The following POLG variants were observed in gnomAD, a reference collection of about 807,000 sequenced individuals.
The protein encoded by POLG is DNA polymerase subunit gamma-1.
In POLG, 110 loss-of-function variants were observed where a neutral mutation model predicts 155.4. The ratio of observed to expected loss-of-function variants is 0.71; its 90% confidence interval spans 0.61 to 0.83. The LOEUF (loss-of-function observed/expected upper bound fraction) is 0.83, where lower values mean the gene tolerates loss of function less well. Among genes scored for constraint, POLG ranks in the 40% least tolerant of loss-of-function variants. The pLI is 0.00. For synonymous variants in POLG, 701 were observed against 631.5 expected (o/e 1.11, Z -1.65); for missense variants, 1,685 against 1,627.5 (o/e 1.04, Z -0.61).
chr15:89,318,307 TGATCAGTCTTGGTATTTCACATTTTCAA>T (rs2055335439), intron 21 of POLG, among the ~76,000 whole-genome samples: 1 of 152,234 alleles, frequency 6.6e-6, no homozygotes, highest in Admixed American at 6.5e-5. Flanking sequence ...CTTCCCTCAA[TGATCAGTCTTGGTATTTCACATTTTCAA>T]ACCCAATAAC....
At chr15:89,330,049 C>T (rs1400089013) in intron 3 of POLG, 32 bp downstream of exon 3, 3 of 1,583,286 alleles carry the variant, frequency 1.9e-6, no homozygotes, top group African/African-American at 1.3e-5. Context: ...CCATCCCATG[C>T]CAGAACCTGC....
In POLG at chr15:89,319,313, C is replaced by T; in HGVS notation, c.3019G>A (p.Glu1007Lys). The change falls in exon 19 of 23, where the codon GAG (glutamate) becomes AAG (lysine). Residue 1007 changes from glutamate (E) to lysine (K), a missense_variant. By Grantham distance (56) the Glu-to-Lys change is moderately conservative. This residue lies in a region of POLG where 470 missense variants were observed against 439.9 expected (regional missense o/e 1.07). Coordinates refer to ENST00000268124, the MANE Select transcript of POLG (RefSeq NM_002693.3). ...GTCCTGTCCACTGGGAGGTTCAACT[C>T]CCTCACCAGCCACTCGCCCTCATCC... ...LSDEGEWLVR[E>K]LNLPVDRTEG... is the part of the protein sequence containing the mutation. 1 of 1,614,148 alleles carries T rather than the reference C, an allele frequency of 6.2e-7. No individual in the cohort carries two copies. The highest frequency in any genetic ancestry group is 8.5e-7 in the Non-Finnish European group (1 of 1,180,014).
At chr15:89,326,480 G>A in intron 9 of POLG, 132 bp downstream of exon 9, 1 of 995,206 alleles carries the variant, frequency 1.0e-6, no homozygotes, top group Non-Finnish European at 1.5e-6. Flanking sequence ...GGAAGACAGT[G>A]TGACTGAATG....
chr15:89,320,559 G>A (rs968902666), intron 18 of POLG, among the ~76,000 whole-genome samples: 3 of 152,190 alleles, frequency 2.0e-5, no homozygotes, highest in African/African-American at 7.2e-5. Flanking sequence ...ACTCCCATGA[G>A]GAAAAACTGT....
Position 89,318,710 on chromosome 15 carries a change from C to G in POLG, c.3313G>C (p.Ala1105Pro), listed in dbSNP as rs753410045. 3 of 1,614,228 alleles carry G rather than the reference C, an allele frequency of 1.9e-6. No individual in the cohort carries two copies. Among genetic ancestry groups the G allele is most frequent in the Non-Finnish European group, 2.5e-6 (3 of 1,180,040 alleles). ...SRVNWVVQSS[A>P]VDYLHLMLVA... ...AGCATGAGGTGTAAGTAGTCAACAG[C>G]AGAGCTCTGTACCACCCAATTCACA... The change falls in exon 21 of 23, where the codon GCT becomes CCT. Residue 1105 changes from alanine (A) to proline (P), a missense_variant. This residue lies in a region of POLG where 470 missense variants were observed against 439.9 expected (regional missense o/e 1.07). Transcript: ENST00000268124.
At position 89,330,177 on chromosome 15, in the gene POLG, G is replaced by C. The variant is rs1290260260; in HGVS notation, c.759C>G (p.Ala253=). The C allele has an allele frequency of 3.1e-6, 5 of 1,613,734 alleles. No homozygotes were observed. In the East Asian group the frequency reaches 1.1e-4, roughly 36 times the overall value. ...DLIPLEVPTG[A]SSPTQRDWQE... is the part of the protein sequence containing the mutation. ...GCCAGTCTCTCTGGGTGGGGCTGCT[G>C]GCACCAGTAGGGACCTCCAGGGGGA... is the stretch of plus-strand genomic sequence containing the variant. Residue 253 remains alanine (A), a synonymous_variant, in exon 3 of 23, where the codon GCC becomes GCG. Coordinates refer to ENST00000268124, the MANE Select transcript of POLG (RefSeq NM_002693.3).
rs2055559196 is a variant in POLG at position 89,328,943 on chromosome 15, C to A, written c.1023G>T (p.Ala341=). The A allele has an allele frequency of 1.1e-5, 17 of 1,614,116 alleles. No homozygotes were observed. The highest frequency in any genetic ancestry group is 1.4e-5 in the Non-Finnish European group (17 of 1,180,042). Residue 341 remains alanine, a splice_region_variant and synonymous_variant, in exon 4 of 23, where the codon GCG becomes GCT. Transcript: ENST00000268124. ...CTGCCCACCGGCAGTGTGCTCTCACCGCTGGGCCTCTTCTGGCTTTCCTCT... is the reference window on the plus strand; with the variant it reads ...CTGCCCACCGGCAGTGTGCTCTCACAGCTGGGCCTCTTCTGGCTTTCCTCT... ...KSQRKARRGP[A]ISSWDWLDIS... is the part of the protein sequence containing the mutation.
In POLG at chr15:89,319,037, T is replaced by G. The variant is rs768571276; in HGVS notation, c.3167A>C (p.Glu1056Ala). 1.2e-6 allele frequency: 2 copies of G among 1,614,160 alleles called. No homozygotes were observed. Among genetic ancestry groups the G allele is most frequent in the Non-Finnish European group, 1.7e-6 (2 of 1,180,014 alleles). Reference sequence around the variant, plus strand: ...AATGCTCTCAAGCTTATTGAACATTTCTGACTCTGTGCCCCCCTTCCATGC... The same window carrying G: ...AATGCTCTCAAGCTTATTGAACATTGCTGACTCTGTGCCCCCCTTCCATGC... ...ERAWKGGTESEMFNKLESIAT... is the reference protein window; with the variant it reads ...ERAWKGGTESAMFNKLESIAT... Residue 1056 changes from glutamate to alanine, a missense_variant, in exon 20 of 23, where the codon GAA becomes GCA. This residue lies in a region of POLG where 470 missense variants were observed against 439.9 expected (regional missense o/e 1.07). Coordinates refer to ENST00000268124, the MANE Select transcript of POLG (RefSeq NM_002693.3).
rs2055482553 is a variant in POLG, at chr15:89,325,178, G to A, written c.1949+272C>T. On this transcript the variant is annotated intron_variant, in intron 10 of 22. Transcript: ENST00000268124. Reference sequence around the variant, plus strand: ...AGTGAGTGAGTGAGTGAGAGAGTGAGAGAGTGAGTGAGTGAGAGAGTGAGT... The same window carrying A: ...AGTGAGTGAGTGAGTGAGAGAGTGAAAGAGTGAGTGAGTGAGAGAGTGAGT... Among the ~76,000 whole-genome samples, 2 of 96,424 alleles carry A rather than the reference G, an allele frequency of 2.1e-5. 1 individual carries two copies. Among genetic ancestry groups the A allele is most frequent in the Admixed American group, 1.9e-4 (2 of 10,530 alleles). The allele number at this position is 96,424 out of a possible 152,430, so 63.3% of individuals were successfully genotyped here.
At chr15:89,320,223 C>T (rs1005191907) in intron 18 of POLG, among the ~76,000 whole-genome samples, 1 of 152,188 alleles carries the variant, frequency 6.6e-6, no homozygotes, top group Non-Finnish European at 1.5e-5. Context: ...GAAGTTGTAC[C>T]TCTCTTCCCT....
chr15:89,317,137 T>C (rs1447048591), intron 22 of POLG: 2 of 599,290 alleles, frequency 3.3e-6, no homozygotes, highest in Non-Finnish European at 5.9e-6. Context: ...ACATTTCTTC[T>C]GTGGTTGAAG....
chr15:89,327,919 T>C (rs1258867716), intron 6 of POLG, among the ~76,000 whole-genome samples: 1 of 152,198 alleles, frequency 6.6e-6, no homozygotes, highest in African/African-American at 2.4e-5. Context: ...CTTAATACAT[T>C]TTCTTTTATC....
At position 89,319,277 on chromosome 15, in the gene POLG, A is replaced by G; in HGVS notation, c.3055T>C (p.Trp1019Arg). ...NLPVDRTEGG[W>R]ISLQDLRKVQ... ...TTGCGCAGATCCTGCAGGGAAATCC[A>G]GCCACCCTCAGTCCTGTCCACTGGG... The change falls in exon 19 of 23, where the codon TGG becomes CGG. Residue 1019 changes from tryptophan to arginine, a missense_variant. Trp to Arg is a moderately radical substitution (Grantham distance 101). Transcript: ENST00000268124. The G allele has an allele frequency of 6.2e-7, 1 of 1,614,178 alleles. No homozygotes were observed.
intron 15 of POLG, 35 bp downstream of exon 15, chr15:89,321,927 T>G: frequency 6.2e-7 from 1 of 1,612,126 alleles, no homozygotes; most frequent in Non-Finnish European, 8.5e-7. Flanking sequence ...CTCACCTCAG[T>G]TCTCCTATCC....
At chr15:89,332,646 G>C (rs959915758) in intron 2 of POLG, among the ~76,000 whole-genome samples, 19 of 151,918 alleles carry the variant, frequency 1.3e-4, no homozygotes, top group Non-Finnish European at 2.2e-4. Context: ...TATGGGAAAG[G>C]CTGGGGATGC....
intron 6 of POLG, 35 bp from the exon 7 acceptor site, chr15:89,327,384 C>T (rs776391976): frequency 8.1e-6 from 13 of 1,602,482 alleles, no homozygotes; most frequent in African/African-American, 1.3e-5. Context: ...CCATAAATGA[C>T]CACAGGAGGC....
chr15:89,324,057 A>C (rs1441926996), intron 11 of POLG, 50 bp downstream of exon 11: 9 of 1,612,338 alleles, frequency 5.6e-6, no homozygotes, highest in Non-Finnish European at 7.6e-6. Flanking sequence ...CCCTGGGTGG[A>C]ATACAGAGAC....
rs1285172454 is a variant in POLG, at chr15:89,318,601, A to C, written c.3422T>G (p.Val1141Gly). The change falls in exon 21 of 23, where the codon GTG becomes GGG. Residue 1141 changes from valine (V) to glycine (G), a missense_variant. Val to Gly is a moderately radical substitution (Grantham distance 109, BLOSUM62 -3). Coordinates refer to ENST00000268124, the MANE Select transcript of POLG (RefSeq NM_002693.3). Reference protein sequence around the residue: ...ISIHDEVRYLVREEDRYRAAL... With the variant: ...ISIHDEVRYLGREEDRYRAAL... ...AGCGCGGTAGCGGTCCTCCTCCCGC[A>C]CCAGGTAGCGAACCTCGTCATGGAT... 10 of 1,614,178 alleles carry C rather than the reference A, an allele frequency of 6.2e-6. No homozygotes were observed. The highest frequency in any genetic ancestry group is 8.5e-6 in the Non-Finnish European group (10 of 1,180,028).
rs771980703 is a variant in POLG at position 89,324,169 on chromosome 15, G to T, written c.2008C>A (p.Pro670Thr). ...CLEQGKQQLM[P>T]QEAGLAEEFL... ...TCCTCCGCCAGGCCGGCCTCCTGGG[G>T]CATCAGCTGCTGCTTCCCCTGTTCG... is the stretch of plus-strand genomic sequence containing the variant. The change falls in exon 11 of 23, where the codon CCC becomes ACC. Residue 670 changes from proline (P) to threonine (T), a missense_variant. Physicochemically the swap from Pro to Thr is conservative, Grantham distance 38 (BLOSUM62 -1). Around this residue, in one of 3 missense-constraint regions of POLG, gnomAD observed 1,210 missense variants for 1,167.1 expected, o/e 1.04. Coordinates refer to ENST00000268124, the MANE Select transcript of POLG (RefSeq NM_002693.3). The T allele has an allele frequency of 6.2e-7, 1 of 1,613,852 alleles. No homozygotes were observed. The highest frequency in any genetic ancestry group is 2.2e-5 in the East Asian group (1 of 44,880).
Sources: gnomAD v4.1 joint callset for allele counts (sites outside exome capture counted in the v4.1 genomes callset) on GRCh38, gnomAD v4.1.1 for gene constraint, gnomAD v4.1.1 regional missense constraint, MANE v1.5 for transcripts, NCBI Gene and HGNC (gene_info 2026-07-23, HGNC 2026-07-21) for gene names.